SCAF8: variants seen among roughly 807,000 people sequenced by gnomAD.
The protein encoded by SCAF8 is SR-related and CTD-associated factor 8.
In SCAF8, 23 loss-of-function variants were observed where a neutral mutation model predicts 140.5. The observed-to-expected ratio is 0.16, with a 90% CI of 0.12 to 0.23. The LOEUF (loss-of-function observed/expected upper bound fraction) is 0.23. SCAF8 is among the 10% of genes least tolerant of loss of function. SCAF8 has a pLI of 1.00. For missense variants in SCAF8, 1,397 were observed against 1,555.7 expected, an observed-to-expected ratio of 0.90 and a Z score of 1.72; for synonymous variants, 575 against 528.9, an observed-to-expected ratio of 1.09 and a Z score of -1.20.
At chr6:154,774,509 G>T (rs1357490949) in intron 2 of SCAF8, among the ~76,000 whole-genome samples, 1 of 152,106 alleles carries the variant, frequency 6.6e-6, no homozygotes, top group East Asian at 1.9e-4. Flanking sequence ...TGGAGAATGT[G>T]TTTAACACTG....
intron 6 of SCAF8, among the ~76,000 whole-genome samples, chr6:154,800,223 T>C (rs1777734677): frequency 6.6e-6 from 1 of 151,508 alleles, no homozygotes. Context: ...TTTCTACCTC[T>C]TCCCACTGGA....
intron 2 of SCAF8, 46 bp from the exon 3 acceptor site, chr6:154,777,952 TCTC>T (rs1776964490): frequency 8.5e-7 from 1 of 1,171,266 alleles, no homozygotes; most frequent in South Asian, 1.3e-5. Context: ...GAAATTTCAA[TCTC>T]CTCAAACTGA....
rs1403809716 is a variant in SCAF8 at position 154,808,669 on chromosome 6, T to C, written c.1114-17T>C. 1.7e-5 allele frequency: 25 copies of C among 1,501,566 alleles called. No homozygotes were observed. Among genetic ancestry groups the C allele is most frequent in the Non-Finnish European group, 2.2e-5 (24 of 1,077,782 alleles). 93.0% of individuals were successfully genotyped at this position (1,501,566 alleles called of 1,614,324 possible). ...AACCAGCCTTTCTGTTTGTTTGCTG[T>C]TCTTTTGACTTTCAAGGATATGGAT... is the stretch of plus-strand genomic sequence containing the variant. On this transcript the variant is annotated splice_polypyrimidine_tract_variant and intron_variant, in intron 10 of 19. Coordinates refer to ENST00000367178, the MANE Select transcript of SCAF8 (RefSeq NM_014892.5).
chr6:154,828,319 G>T (rs1462456936), intron 18 of SCAF8, among the ~76,000 whole-genome samples: 2 of 152,070 alleles, frequency 1.3e-5, no homozygotes, highest in African/African-American at 4.8e-5. Flanking sequence ...CAAAGTCAGG[G>T]TAGATGCTAT....
chr6:154,761,791 T>C (rs1776409432), intron 1 of SCAF8, among the ~76,000 whole-genome samples: 1 of 152,104 alleles, frequency 6.6e-6, no homozygotes, highest in Non-Finnish European at 1.5e-5. Context: ...GGAGTTTTTA[T>C]TTTAAGGGAC....
intron 7 of SCAF8, among the ~76,000 whole-genome samples, chr6:154,803,007 AGTG>A (rs1355720042): frequency 1.5e-4 from 23 of 152,262 alleles, no homozygotes; most frequent in African/African-American, 5.1e-4. Context: ...ACTACTTGGA[AGTG>A]GTGTTCATAT....
chr6:154,734,666 C>A (rs975754083), intron 1 of SCAF8, among the ~76,000 whole-genome samples: 9 of 152,156 alleles, frequency 5.9e-5, no homozygotes, highest in Non-Finnish European at 1.5e-5. Flanking sequence ...AAAGCAGATT[C>A]CATTTTCACT....
intron 18 of SCAF8, among the ~76,000 whole-genome samples, chr6:154,829,034 A>G (rs1041409826): frequency 1.1e-4 from 16 of 152,214 alleles, no homozygotes; most frequent in African/African-American, 3.4e-4. Flanking sequence ...AACTAGGGGT[A>G]CATGTGCAGG....
Position 154,802,100 on chromosome 6 carries a change from G to C in SCAF8, c.736G>C (p.Ala246Pro). The C allele has an allele frequency of 6.2e-7, 1 of 1,612,382 alleles. No homozygotes were observed. The highest frequency in any genetic ancestry group is 8.5e-7 in the Non-Finnish European group (1 of 1,179,088). Residue 246 changes from alanine to proline, a missense_variant, in exon 7 of 20, where the codon GCT (alanine) becomes CCT (proline). This residue lies in a region of SCAF8 where 339 missense variants were observed against 407.5 expected (regional missense o/e 0.83). Transcript: ENST00000367178. ...LTAQLTAAAA[A>P]ANTLTPLEQG... ...GGCACAACTTACAGCTGCAGCTGCAGCTGCCAACACTCTTACTCCCTTAGA... is the reference window on the plus strand; with the variant it reads ...GGCACAACTTACAGCTGCAGCTGCACCTGCCAACACTCTTACTCCCTTAGA...
intron 3 of SCAF8, among the ~76,000 whole-genome samples, chr6:154,778,394 TGAATAAGTTAGTTAGCCTTTA>T (rs1370125887): frequency 6.6e-6 from 1 of 152,228 alleles, no homozygotes; most frequent in East Asian, 1.9e-4. Context: ...TAGGTAACTT[TGAATAAGTTAGTTAGCCTTTA>T]TGTCATTGAG....
In SCAF8 at chr6:154,810,220, A is replaced by G. The variant is rs1308063541; in HGVS notation, c.1420+12A>G. 14 of 1,560,108 alleles carry G rather than the reference A, an allele frequency of 9.0e-6. No individual in the cohort carries two copies. Among genetic ancestry groups the G allele is most frequent in the Non-Finnish European group, 7.8e-6 (9 of 1,147,892 alleles). ...TAAAACACTAAGTGGTAAGTAACATATATCTGCAACGCTTTGGTTTCAATT... is the reference window on the plus strand; with the variant it reads ...TAAAACACTAAGTGGTAAGTAACATGTATCTGCAACGCTTTGGTTTCAATT... On this transcript the variant is annotated intron_variant, in intron 12 of 19. Coordinates refer to ENST00000367178, the MANE Select transcript of SCAF8 (RefSeq NM_014892.5).
intron 5 of SCAF8, among the ~76,000 whole-genome samples, chr6:154,793,787 C>G (rs1432492181): frequency 7.1e-6 from 1 of 140,014 alleles, no homozygotes; most frequent in Non-Finnish European, 1.5e-5. Flanking sequence ...TGCACTCCAG[C>G]CTGGGCAACA....
chr6:154,757,215 A>T (rs184139497), intron 1 of SCAF8, among the ~76,000 whole-genome samples: 159 of 152,224 alleles, frequency 1.0e-3, no homozygotes, highest in African/African-American at 3.7e-3. Flanking sequence ...GTCTAGTCTC[A>T]AACTCCTGGC....
chr6:154,800,046 A>C (rs1777727268), intron 6 of SCAF8, among the ~76,000 whole-genome samples: 1 of 151,286 alleles, frequency 6.6e-6, no homozygotes, highest in Admixed American at 6.6e-5. Flanking sequence ...TCGGCCTTCC[A>C]AAGTACTGGG....
At position 154,733,878 on chromosome 6, in the gene SCAF8, C is replaced by T. The variant is rs1324667907; in HGVS notation, c.-23C>T. On this transcript the variant is annotated 5_prime_UTR_variant, in exon 1 of 20. Coordinates refer to ENST00000367178, the MANE Select transcript of SCAF8 (RefSeq NM_014892.5). ...GGCCGCCGCCTCTTCCGCCGCCGGG[C>T]TCGGGGCCTCCGCAGCGACAACATG... 3 of 1,544,280 alleles carry T rather than the reference C, an allele frequency of 1.9e-6. No individual in the cohort carries two copies. Among genetic ancestry groups the T allele is most frequent in the South Asian group, 2.4e-5 (2 of 83,894 alleles).
chr6:154,761,784 GTT>G (rs1194198940), intron 1 of SCAF8, among the ~76,000 whole-genome samples: 2 of 151,960 alleles, frequency 1.3e-5, no homozygotes, highest in Admixed American at 6.6e-5. Flanking sequence ...TTTGAAAGGA[GTT>G]TTTATTTTAA....
intron 1 of SCAF8, among the ~76,000 whole-genome samples, chr6:154,769,062 C>CAA (rs56383173): frequency 4.1e-5 from 4 of 96,758 alleles, no homozygotes; most frequent in Non-Finnish European, 6.3e-5. Flanking sequence ...GACACTGTCT[C>CAA]AAAAAAAAAA....
Position 154,822,423 on chromosome 6 carries a change from T to TG in SCAF8, c.1926+18dup, listed in dbSNP as rs1276500618. ...GCTATGTTGCAGGTTAGTGTTGAAG[T>TG]GGGGTTTTTTTTTTCTTGTGTTGTT... On this transcript the variant is annotated intron_variant, in intron 16 of 19. Transcript: ENST00000367178. The TG allele has an allele frequency of 3.2e-6, 5 of 1,579,944 alleles. No homozygotes were observed. Among genetic ancestry groups the TG allele is most frequent in the Middle Eastern group, 1.7e-4 (1 of 5,870 alleles).
intron 1 of SCAF8, among the ~76,000 whole-genome samples, chr6:154,745,053 G>A (rs897492483): frequency 3.3e-5 from 5 of 152,148 alleles, no homozygotes; most frequent in Non-Finnish European, 5.9e-5. Flanking sequence ...ATCATATTCA[G>A]ATTTCACTAA....
Sources: allele counts gnomAD v4.1 joint callset (sites outside exome capture counted in the v4.1 genomes callset), GRCh38; gene constraint gnomAD v4.1.1; regional missense constraint gnomAD v4.1.1; transcripts MANE v1.5; gene names NCBI Gene and HGNC (gene_info 2026-07-23, HGNC 2026-07-21).